MOCOS: variants seen among roughly 807,000 people sequenced by gnomAD.
The protein encoded by MOCOS is molybdenum cofactor sulfurase, also known as human molybdenum cofactor sulfurase.
Under a neutral mutation model 83.6 loss-of-function variants are expected in MOCOS, and 86 were observed. The observed-to-expected ratio is 1.03, with a 90% CI of 0.86 to 1.23. MOCOS has a LOEUF of 1.23. Ranked by LOEUF, MOCOS falls within the 50% of genes most tolerant of loss-of-function variation. The pLI is 0.00. For missense variants in MOCOS, 1,120 were observed against 1,126.9 expected (o/e 0.99, Z 0.09); for synonymous variants, 445 against 434.7 (o/e 1.02, Z -0.29).
intron 1 of MOCOS, among the ~76,000 whole-genome samples, chr18:36,187,897 C>T (rs2091347995): frequency 1.3e-5 from 2 of 152,362 alleles, no homozygotes; most frequent in South Asian, 2.1e-4. Context: ...TCCGACTTTC[C>T]GGTGGGCAGG....
In MOCOS at chr18:36,213,521, A is replaced by G. The variant is rs763377627; in HGVS notation, c.1335+39A>G. 4.5e-6 allele frequency: 7 copies of G among 1,550,794 alleles called. No individual in the cohort carries two copies. The South Asian group carries it at 7.8e-5, about 17-fold the overall frequency. Reference sequence around the variant, plus strand: ...TCTGCGATCCAGACGCTGGTCAGCGAGACCCAGCAACACCTGTTGCTGCCT... The same window carrying G: ...TCTGCGATCCAGACGCTGGTCAGCGGGACCCAGCAACACCTGTTGCTGCCT... On this transcript the variant is annotated intron_variant, in intron 7 of 14. Coordinates refer to ENST00000261326, the MANE Select transcript of MOCOS (RefSeq NM_017947.4).
At chr18:36,261,932 G>GAGAACT (rs2091664793) in intron 13 of MOCOS, among the ~76,000 whole-genome samples, 1 of 152,190 alleles carries the variant, frequency 6.6e-6, no homozygotes, top group Admixed American at 6.5e-5. Context: ...AAAAAGGGAA[G>GAGAACT]AGAACTAGAA....
intron 1 of MOCOS, among the ~76,000 whole-genome samples, chr18:36,192,931 T>C (rs954853966): frequency 4.6e-5 from 7 of 152,146 alleles, no homozygotes; most frequent in African/African-American, 1.7e-4. Flanking sequence ...TTACAGTGTG[T>C]GCCACCACAC....
At chr18:36,223,794 T>C (rs1378002016) in intron 9 of MOCOS, among the ~76,000 whole-genome samples, 1 of 152,234 alleles carries the variant, frequency 6.6e-6, no homozygotes, top group East Asian at 1.9e-4. Flanking sequence ...TTTTGTAGTT[T>C]TCAGAATGTG....
intron 2 of MOCOS, among the ~76,000 whole-genome samples, chr18:36,197,140 G>T (rs929181411): frequency 6.6e-6 from 1 of 152,164 alleles, no homozygotes; most frequent in African/African-American, 2.4e-5. Context: ...GCTAAGGGCA[G>T]CACAGTGGCC....
In MOCOS at chr18:36,195,332, T is replaced by A; in HGVS notation, c.218T>A (p.Met73Lys). The change falls in exon 2 of 15, where the codon ATG (methionine) becomes AAG (lysine). Residue 73 changes from methionine to lysine, a missense_variant. Physicochemically the swap from Met to Lys is moderately conservative, Grantham distance 95 (BLOSUM62 -1). Coordinates refer to ENST00000261326, the MANE Select transcript of MOCOS (RefSeq NM_017947.4). ...SQLESFTSDL[M>K]ENTYGNPHSQ... is the part of the protein sequence containing the mutation. ...CTCGAAAGCTTCACTAGTGATCTCATGGAAAACACTTATGGTAAAGAAAAA... is the reference window on the plus strand; with the variant it reads ...CTCGAAAGCTTCACTAGTGATCTCAAGGAAAACACTTATGGTAAAGAAAAA... 6.2e-7 allele frequency: 1 copy of A among 1,613,990 alleles called. No homozygotes were observed. The highest frequency in any genetic ancestry group is 8.5e-7 in the Non-Finnish European group (1 of 1,179,836).
intron 9 of MOCOS, among the ~76,000 whole-genome samples, chr18:36,227,964 C>G (rs2091524081): frequency 6.6e-6 from 1 of 152,124 alleles, no homozygotes; most frequent in African/African-American, 2.4e-5. Flanking sequence ...TATCCAGCAT[C>G]TATAAGGAAC....
chr18:36,203,442 T>C (rs1006335993), intron 5 of MOCOS, among the ~76,000 whole-genome samples: 1 of 152,198 alleles, frequency 6.6e-6, no homozygotes, highest in Admixed American at 6.5e-5. Flanking sequence ...AATCAGGAGA[T>C]TGCTAGCTTC....
intron 8 of MOCOS, among the ~76,000 whole-genome samples, chr18:36,219,314 AT>A (rs1392918433): frequency 6.6e-6 from 1 of 151,784 alleles, no homozygotes; most frequent in Admixed American, 6.6e-5. Context: ...GATTTTTTGT[AT>A]TTTTAGTAGA....
Position 36,220,036 on chromosome 18 carries a change from C to T in MOCOS, c.1798-19C>T, listed in dbSNP as rs201335005. ...CTTTGGGGAGCCCTGGCCTGAGACA[C>T]GTCTACCTTTTTGTTTAGGTGACCA... On this transcript the variant is annotated intron_variant, in intron 8 of 14. Transcript: ENST00000261326. 2.4e-4 allele frequency: 389 copies of T among 1,612,288 alleles called. 1 individual carries two copies. In the East Asian group the frequency reaches 3.4e-3, roughly 14 times the overall value.
intron 9 of MOCOS, among the ~76,000 whole-genome samples, chr18:36,235,257 T>C (rs1474378163): frequency 7.2e-6 from 1 of 139,086 alleles, no homozygotes; most frequent in Non-Finnish European, 1.5e-5. Context: ...GCATTAGGTA[T>C]ATCTCCCAAT....
chr18:36,254,458 C>CTCTG lies in MOCOS; in HGVS notation c.2165-2509_2165-2508insCTGT, dbSNP rs377107374. 3.6e-5 allele frequency among the ~76,000 whole-genome samples: 5 copies of CTCTG among 138,952 alleles called. No individual in the cohort carries two copies. The South Asian group carries it at 7.4e-4, about 21-fold the overall frequency. The allele number at this position is 138,952 out of a possible 152,430, so 91.2% of individuals were successfully genotyped here. A position where few individuals can be genotyped will look rare whatever the true frequency, so the allele number is the denominator to read the frequency against. ...GTATTCATTACAAAATACATTATCT[C>CTCTG]TGTGTGTGTGTGTGTGTGTGTGTGT... On this transcript the variant is annotated intron_variant, in intron 11 of 14. Transcript: ENST00000261326.
At chr18:36,255,761 A>G (rs568386292) in intron 11 of MOCOS, among the ~76,000 whole-genome samples, 25 of 152,264 alleles carry the variant, frequency 1.6e-4, no homozygotes, top group Non-Finnish European at 1.5e-5. Context: ...CTTTTCTTCA[A>G]TATCTTGGAT....
intron 9 of MOCOS, among the ~76,000 whole-genome samples, chr18:36,226,149 T>A (rs1005220313): frequency 2.0e-5 from 3 of 152,198 alleles, no homozygotes; most frequent in Non-Finnish European, 4.4e-5. Flanking sequence ...TTTTGCTGTC[T>A]ATTTCTCCTT....
chr18:36,210,830 G>A (rs2091452035), intron 6 of MOCOS, among the ~76,000 whole-genome samples: 1 of 107,188 alleles, frequency 9.3e-6, no homozygotes, highest in Non-Finnish European at 1.9e-5. Flanking sequence ...CAGCCTGGGT[G>A]ACAGAGCAAG....
chr18:36,264,587 A>T (rs889497688), intron 13 of MOCOS, among the ~76,000 whole-genome samples: 11 of 152,132 alleles, frequency 7.2e-5, no homozygotes, highest in African/African-American at 2.2e-4. Flanking sequence ...AGTTCTCACC[A>T]AATACAGCCA....
At chr18:36,210,688 T>TA (rs2091451467) in intron 6 of MOCOS, among the ~76,000 whole-genome samples, 1 of 150,872 alleles carries the variant, frequency 6.6e-6, no homozygotes. Context: ...CTGTCTCTAC[T>TA]AAAAATACAA....
chr18:36,244,265 T>C (rs949906302), intron 9 of MOCOS, among the ~76,000 whole-genome samples: 5 of 152,182 alleles, frequency 3.3e-5, no homozygotes, highest in African/African-American at 4.8e-5. Flanking sequence ...TTTACTGCTA[T>C]GAACTTTCCT....
chr18:36,231,473 T>A (rs909188588), intron 9 of MOCOS, among the ~76,000 whole-genome samples: 1 of 152,266 alleles, frequency 6.6e-6, no homozygotes, highest in Non-Finnish European at 1.5e-5. Context: ...TACGCATTCC[T>A]TTATATATAT....
Sources: allele counts gnomAD v4.1 joint callset (sites outside exome capture counted in the v4.1 genomes callset), GRCh38; gene constraint gnomAD v4.1.1; transcripts MANE v1.5; gene names NCBI Gene and HGNC (gene_info 2026-07-23, HGNC 2026-07-21).